PVT1: variants seen among roughly 807,000 people sequenced by gnomAD.
The protein encoded by PVT1 is Pvt1 oncogene.
intron 2 of PVT1, among the ~76,000 whole-genome samples, chr8:127,839,399 A>T (rs1439383280): frequency 6.6e-6 from 1 of 151,906 alleles, no homozygotes; most frequent in Non-Finnish European, 1.5e-5. Flanking sequence ...ATTATAAAAA[A>T]ATTAGCCGGG....
In PVT1 at chr8:128,066,419, C is replaced by A. The variant is rs1043721015; in HGVS notation, n.913-3741C>A. On this transcript the variant is annotated intron_variant and non_coding_transcript_variant, in intron 4 of 10. Transcript: ENST00000651587. The stretch of plus-strand genomic sequence containing the variant: ...GAGATTGAGCATGATCTCAGGTTGA[C>A]CTGTGATGAACATGCAGCTGAAAAA... Among the ~76,000 whole-genome samples the A allele has an allele frequency of 2.0e-5, 3 of 152,210 alleles. No individual in the cohort carries two copies. The East Asian group carries it at 5.8e-4, about 29-fold the overall frequency.
chr8:128,009,352 C>G (rs940893464), intron 4 of PVT1, among the ~76,000 whole-genome samples: 6 of 152,126 alleles, frequency 3.9e-5, no homozygotes, highest in African/African-American at 1.4e-4. Flanking sequence ...AAGTCCTATT[C>G]TATATGTCCT....
At chr8:127,812,799 G>A (rs1033423081) in intron 2 of PVT1, among the ~76,000 whole-genome samples, 3 of 152,090 alleles carry the variant, frequency 2.0e-5, no homozygotes, top group Admixed American at 6.6e-5. Flanking sequence ...AGCATTTCCC[G>A]TCTTGTTATC....
chr8:127,831,738 G>T (rs1297331574), intron 2 of PVT1, among the ~76,000 whole-genome samples: 2 of 152,172 alleles, frequency 1.3e-5, no homozygotes, highest in Non-Finnish European at 2.9e-5. Flanking sequence ...TTGCAATGTT[G>T]CTAAGAGGTC....
Position 127,840,128 on chromosome 8 carries a change from C to T in PVT1, n.372+44057C>T, listed in dbSNP as rs148229332. Among the ~76,000 whole-genome samples the T allele has an allele frequency of 9.7e-3, 1,477 of 152,252 alleles. 17 individuals are homozygous for T. Among genetic ancestry groups the T allele is most frequent in the Middle Eastern group, 0.031 (9 of 294 alleles). On this transcript the variant is annotated intron_variant and non_coding_transcript_variant, in intron 2 of 10. Coordinates refer to ENST00000651587, the Ensembl canonical transcript of PVT1. ...GGGTAGAAGGTGAAGTCAGAGAGGC[C>T]GGGGTCCACACTACACAGGGCCTTT...
At chr8:128,029,110 T>C (rs1813358880) in intron 4 of PVT1, among the ~76,000 whole-genome samples, 1 of 151,794 alleles carries the variant, frequency 6.6e-6, no homozygotes, top group Non-Finnish European at 1.5e-5. Context: ...CCCAAGCAGC[T>C]CTTGGGACTA....
At chr8:127,896,779 C>CCCA (rs1554595095) in intron 3 of PVT1, among the ~76,000 whole-genome samples, 12 of 135,010 alleles carry the variant, frequency 8.9e-5, no homozygotes, top group African/African-American at 2.9e-4. Context: ...TTTCCTCCCC[C>CCCA]CCCCCGCCCC....
chr8:127,849,120 T>G (rs1188145185), intron 2 of PVT1, among the ~76,000 whole-genome samples: 1 of 151,504 alleles, frequency 6.6e-6, no homozygotes, highest in African/African-American at 2.4e-5. Flanking sequence ...GTAGGAAGAG[T>G]GTGTGTTCAT....
chr8:127,912,255 C>T (rs1280108035), intron 3 of PVT1, among the ~76,000 whole-genome samples: 1 of 152,138 alleles, frequency 6.6e-6, no homozygotes, highest in Non-Finnish European at 1.5e-5. Context: ...ATAATAGCTA[C>T]TTAAATTTTG....
intron 3 of PVT1, among the ~76,000 whole-genome samples, chr8:127,980,379 G>A (rs1816869517): frequency 1.3e-5 from 2 of 152,150 alleles, no homozygotes; most frequent in Admixed American, 1.3e-4. Flanking sequence ...GGGGGTTTGG[G>A]CTGAGCGGTG....
chr8:127,953,144 C>A (rs1183574849), intron 3 of PVT1, among the ~76,000 whole-genome samples: 1 of 152,218 alleles, frequency 6.6e-6, no homozygotes, highest in Non-Finnish European at 1.5e-5. Flanking sequence ...AAGGACCTGT[C>A]TGGAATTTGG....
chr8:127,856,723 G>A (rs763864842), intron 2 of PVT1, among the ~76,000 whole-genome samples: 1 of 152,218 alleles, frequency 6.6e-6, no homozygotes, highest in Non-Finnish European at 1.5e-5. Context: ...GTAAATGACA[G>A]TGGAGTATTG....
chr8:127,925,592 C>T (rs1462606216), intron 3 of PVT1, among the ~76,000 whole-genome samples: 3 of 151,942 alleles, frequency 2.0e-5, no homozygotes, highest in Admixed American at 2.0e-4. Flanking sequence ...ATTATATAGT[C>T]TTGTGAAAAG....
intron 4 of PVT1, among the ~76,000 whole-genome samples, chr8:128,057,048 C>T (rs780239155): frequency 1.3e-5 from 2 of 152,182 alleles, no homozygotes; most frequent in South Asian, 2.1e-4. Flanking sequence ...TCTCACCTCA[C>T]CACTTCCAGG....
At chr8:128,012,031 A>T (rs1182137056) in intron 4 of PVT1, among the ~76,000 whole-genome samples, 1 of 152,220 alleles carries the variant, frequency 6.6e-6, no homozygotes, top group African/African-American at 2.4e-5. Flanking sequence ...CTCACAGTGA[A>T]TCATTACAAA....
At chr8:128,097,529 C>A (rs1814444508) in intron 6 of PVT1, among the ~76,000 whole-genome samples, 1 of 152,102 alleles carries the variant, frequency 6.6e-6, no homozygotes, top group Non-Finnish European at 1.5e-5. Flanking sequence ...AAATATTGAC[C>A]CTCTGGCCCT....
chr8:128,063,872 A>G (rs1384425178), intron 4 of PVT1, among the ~76,000 whole-genome samples: 1 of 152,256 alleles, frequency 6.6e-6, no homozygotes, highest in Non-Finnish European at 1.5e-5. Context: ...AAGGATAACT[A>G]CATGAGGTAA....
intron 3 of PVT1, among the ~76,000 whole-genome samples, chr8:127,910,112 A>G (rs369656721): frequency 1.2e-4 from 19 of 152,102 alleles, no homozygotes; most frequent in Admixed American, 8.5e-4. Context: ...TCATCCTGCT[A>G]TGAGGTCAGC....
chr8:127,864,898 G>C (rs1037236900), intron 2 of PVT1, among the ~76,000 whole-genome samples: 1 of 152,172 alleles, frequency 6.6e-6, no homozygotes, highest in African/African-American at 2.4e-5. Flanking sequence ...GGGAACTAGA[G>C]ATAGAGGTCC....
Sources: allele counts gnomAD v4.1 joint callset (sites outside exome capture counted in the v4.1 genomes callset), GRCh38; gene constraint gnomAD v4.1.1; transcripts MANE v1.5; gene names NCBI Gene and HGNC (gene_info 2026-07-23, HGNC 2026-07-21).